TSPAN6: variants seen among roughly 807,000 people sequenced by gnomAD.
TSPAN6 encodes the protein tetraspanin 6, also known as tetraspanin-6.
Under a neutral mutation model 18.0 loss-of-function variants are expected in TSPAN6, and 13 were observed. The observed-to-expected ratio is 0.72, with a 90% CI of 0.47 to 1.15. The LOEUF is 1.15. Ranked by LOEUF, TSPAN6 falls within the 50% of genes most tolerant of loss-of-function variation. The pLI is 0.00. For missense variants in TSPAN6, 186 were observed against 183.9 expected, an observed-to-expected ratio of 1.01 and a Z score of -0.07; for synonymous variants, 82 against 67.0, an observed-to-expected ratio of 1.22 and a Z score of -1.09.
chrX:100,630,989 G>T, intron 6 of TSPAN6, 123 bp from the exon 7 acceptor site: 1 of 510,015 alleles, frequency 2.0e-6, no homozygotes, highest in Non-Finnish European at 3.4e-6. Context: ...CTAGAGTTAT[G>T]TTTAATACTC....
At chrX:100,636,249 G>A (rs772840760) in intron 1 of TSPAN6, 7 of 822,206 alleles carry the variant, frequency 8.5e-6, no homozygotes, top group Middle Eastern at 6.1e-4. Context: ...ATGCAAGTGA[G>A]CCCTCAAAGG....
chrX:100,631,755 C>A (rs1009724053), intron 6 of TSPAN6, among the ~76,000 whole-genome samples: 1 of 112,226 alleles, frequency 8.9e-6, no homozygotes, highest in African/African-American at 3.2e-5. Flanking sequence ...TGTTTTGTTT[C>A]ATGAGCTATG....
intron 2 of TSPAN6, 48 bp downstream of exon 2, chrX:100,635,510 A>G (rs1414284405): frequency 1.8e-6 from 2 of 1,083,684 alleles, no homozygotes; most frequent in African/African-American, 3.7e-5. Flanking sequence ...ATAACATACA[A>G]AACTTTTCTA....
At chrX:100,633,876 T>A in intron 4 of TSPAN6, 55 bp downstream of exon 4, 1 of 913,543 alleles carries the variant, frequency 1.1e-6, no homozygotes, top group Middle Eastern at 2.7e-4. Flanking sequence ...GACTCTGCTC[T>A]TTTCTCTGAG....
Position 100,636,709 on chromosome X carries a change from C to A in TSPAN6, c.-15G>T. On this transcript the variant is annotated 5_prime_UTR_variant, in exon 1 of 8. Coordinates refer to ENST00000373020, the MANE Select transcript of TSPAN6 (RefSeq NM_003270.4). ...GGGGACGCCATGACTAGCCCGAGAC[C>A]CTGCACCACCGCACCGGGCGATTGG... The A allele has an allele frequency of 1.7e-6, 2 of 1,191,760 alleles. No homozygotes were observed. Among genetic ancestry groups the A allele is most frequent in the Non-Finnish European group, 2.3e-6 (2 of 885,839 alleles).
intron 3 of TSPAN6, among the ~76,000 whole-genome samples, chrX:100,634,700 C>T (rs1374191927): frequency 9.0e-6 from 1 of 110,625 alleles, no homozygotes; most frequent in African/African-American, 3.3e-5. Context: ...ACAGTTTCAC[C>T]GTGTTAGCCA....
In TSPAN6 at chrX:100,636,683, C is replaced by T; in HGVS notation, c.12G>A (p.Pro4=). The change falls in exon 1 of 8, where the codon CCG becomes CCA. Residue 4 remains proline, a synonymous_variant. Coordinates refer to ENST00000373020, the MANE Select transcript of TSPAN6 (RefSeq NM_003270.4). MAS[P]SRRLQTKPVI... ...CTGGTTTAGTCTGCAGTCTCCGAGA[C>T]GGGGACGCCATGACTAGCCCGAGAC... 8.3e-7 allele frequency: 1 copy of T among 1,203,724 alleles called. No individual in the cohort carries two copies. The highest frequency in any genetic ancestry group is 1.1e-6 in the Non-Finnish European group (1 of 891,626).
Position 100,627,715 on chromosome X carries a change from A to G in TSPAN6, c.*2311T>C, listed in dbSNP as rs1300160253. The G allele has an allele frequency of 8.9e-6, 1 of 111,965 alleles. No homozygotes were observed. The highest frequency in any genetic ancestry group is 1.9e-5 in the Non-Finnish European group (1 of 53,163). The allele number at this position is 111,965 out of a possible 1,213,427, so 9.2% of individuals were successfully genotyped here. ...AATAAACCCATCTTAAAAATAAACA[A>G]ACCAATCCACCTGACGAGTGATGTG... On this transcript the variant is annotated 3_prime_UTR_variant, in exon 8 of 8. Transcript: ENST00000373020.
At chrX:100,634,790 C>T (rs948246640) in intron 3 of TSPAN6, among the ~76,000 whole-genome samples, 3 of 111,907 alleles carry the variant, frequency 2.7e-5, no homozygotes, top group Non-Finnish European at 5.6e-5. Context: ...TGAGCCAACG[C>T]GCCCGGCCCA....
chrX:100,630,928 A>G, intron 6 of TSPAN6, 62 bp from the exon 7 acceptor site: 2 of 846,179 alleles, frequency 2.4e-6, no homozygotes, highest in Admixed American at 2.4e-5. Flanking sequence ...ACCTCAGACT[A>G]TATTCTCCTC....
chrX:100,631,929 C>G (rs980048438), intron 6 of TSPAN6: 2 of 111,268 alleles, frequency 1.8e-5, no homozygotes, highest in South Asian at 3.8e-4. Flanking sequence ...GTGCAGGTTA[C>G]ATAGGTATAC....
At position 100,636,679 on chromosome X, in the gene TSPAN6, G is replaced by C. The variant is rs1171606806; in HGVS notation, c.16C>G (p.Arg6Gly). 5 of 1,204,591 alleles carry C rather than the reference G, an allele frequency of 4.2e-6. No homozygotes were observed. The highest frequency in any genetic ancestry group is 5.6e-6 in the Non-Finnish European group (5 of 891,941). MASPSRRLQTKPVITC... is the reference protein window; with the variant it reads MASPSGRLQTKPVITC... The stretch of plus-strand genomic sequence containing the variant: ...ATGACTGGTTTAGTCTGCAGTCTCC[G>C]AGACGGGGACGCCATGACTAGCCCG... Residue 6 changes from arginine to glycine, a missense_variant, in exon 1 of 8, where the codon CGG (arginine) becomes GGG (glycine). Physicochemically the swap from Arg to Gly is moderately radical, Grantham distance 125. Transcript: ENST00000373020.
chrX:100,627,675 T>C lies in TSPAN6; in HGVS notation c.*2351A>G, dbSNP rs1317179596. 1 of 112,490 alleles carries C rather than the reference T, an allele frequency of 8.9e-6. No homozygotes were observed. 9.3% of individuals were successfully genotyped at this position (112,490 alleles called of 1,213,427 possible). On this transcript the variant is annotated 3_prime_UTR_variant, in exon 8 of 8. Transcript: ENST00000373020. ...ACACATCAGCTATAAGGGCGTTTTC[T>C]AACTGGCTATCCAAAATAAACCCAT...
At chrX:100,636,566 G>C (rs371584138) in intron 1 of TSPAN6, 42 bp downstream of exon 1, 4 of 1,169,824 alleles carry the variant, frequency 3.4e-6, no homozygotes, top group Non-Finnish European at 4.6e-6. Flanking sequence ...ACAACTAAAA[G>C]CCCGGGATCC....
chrX:100,630,769 G>A lies in TSPAN6; in HGVS notation c.*29C>T, dbSNP rs370864101. The A allele has an allele frequency of 2.0e-4, 239 of 1,198,612 alleles. No individual in the cohort carries two copies. Among genetic ancestry groups the A allele is most frequent in the Non-Finnish European group, 2.5e-4 (226 of 886,630 alleles). On this transcript the variant is annotated 3_prime_UTR_variant, in exon 7 of 8. Coordinates refer to ENST00000373020, the MANE Select transcript of TSPAN6 (RefSeq NM_003270.4). ...CCAAAATGAACGCACCTTAAAGGTA[G>A]AGAGGAATAGGCCCACAGATACATT...
chrX:100,633,661 T>C, intron 4 of TSPAN6, 122 bp from the exon 5 acceptor site: 1 of 756,873 alleles, frequency 1.3e-6, no homozygotes, highest in Non-Finnish European at 1.9e-6. Context: ...ATCTCTCTCC[T>C]CAATTGATTC....
intron 7 of TSPAN6, among the ~76,000 whole-genome samples, chrX:100,630,281 T>C (rs1177189553): frequency 8.9e-6 from 1 of 112,191 alleles, no homozygotes; most frequent in African/African-American, 3.2e-5. Context: ...AACATCTTTT[T>C]ACCAAGAAAG....
chrX:100,630,657 ATTACTAGACAAGACGTTCT>A, intron 7 of TSPAN6, 83 bp downstream of exon 7: 4 of 566,678 alleles, frequency 7.1e-6, no homozygotes, highest in Non-Finnish European at 1.1e-5. Flanking sequence ...ATTTAAATAT[ATTACTAGACAAGACGTTCT>A]TGGCAAACTT....
intron 6 of TSPAN6, among the ~76,000 whole-genome samples, 184 bp from the exon 7 acceptor site, chrX:100,631,050 T>C (rs776409025): frequency 8.9e-6 from 1 of 112,196 alleles, no homozygotes; most frequent in Non-Finnish European, 1.9e-5. Context: ...TTATTGCCAC[T>C]GTGACCCAGA....
Sources: allele counts gnomAD v4.1 joint callset (sites outside exome capture counted in the v4.1 genomes callset), GRCh38; gene constraint gnomAD v4.1.1; transcripts MANE v1.5; gene names NCBI Gene and HGNC (gene_info 2026-07-23, HGNC 2026-07-21).